ZC3H12B: variants seen among roughly 807,000 people sequenced by gnomAD.
ZC3H12B encodes the protein zinc finger CCCH-type containing 12B, also known as probable ribonuclease ZC3H12B.
In ZC3H12B, 7 loss-of-function variants were observed where a neutral mutation model predicts 43.9. That is an observed-to-expected ratio of 0.16 (90% confidence interval 0.09 to 0.30). The LOEUF is 0.30. Among genes scored for constraint, ZC3H12B ranks in the 10% least tolerant of loss-of-function variants. ZC3H12B has a pLI of 1.00. For synonymous variants in ZC3H12B, 222 were observed against 241.7 expected, an observed-to-expected ratio of 0.92 and a Z score of 0.76; for missense variants, 475 against 670.2, an observed-to-expected ratio of 0.71 and a Z score of 3.22.
intron 3 of ZC3H12B, among the ~76,000 whole-genome samples, chrX:65,435,569 A>G (rs188997926): frequency 9.0e-6 from 1 of 110,869 alleles, no homozygotes; most frequent in Admixed American, 9.7e-5. Flanking sequence ...CTCATTCTTA[A>G]AATTTTATTT....
At chrX:65,200,894 T>G in the ZC3H12B span, among the ~76,000 whole-genome samples, 1 of 111,839 alleles carries the variant, frequency 8.9e-6, no homozygotes, top group Non-Finnish European at 1.9e-5. Context: ...TGAAGCGGAC[T>G]TGATCGTGGT....
the ZC3H12B span, among the ~76,000 whole-genome samples, chrX:65,282,024 C>T: frequency 9.0e-6 from 1 of 111,249 alleles, no homozygotes; most frequent in East Asian, 2.8e-4. Flanking sequence ...TCAAAAGATT[C>T]CAAAAAAGCT....
At chrX:65,072,280 C>T in the ZC3H12B span, among the ~76,000 whole-genome samples, 3 of 112,309 alleles carry the variant, frequency 2.7e-5, no homozygotes, top group Non-Finnish European at 3.8e-5. Context: ...ATTCTTGTAG[C>T]ATGTGTTTTC....
the ZC3H12B span, among the ~76,000 whole-genome samples, chrX:65,142,385 G>C: frequency 9.0e-6 from 1 of 111,666 alleles, no homozygotes; most frequent in African/African-American, 3.3e-5. Flanking sequence ...TTGAGTTCAT[G>C]GTAGATTCTG....
intron 2 of ZC3H12B, among the ~76,000 whole-genome samples, chrX:65,381,649 A>C (rs758173732): frequency 8.9e-6 from 1 of 112,316 alleles, no homozygotes; most frequent in South Asian, 3.7e-4. Flanking sequence ...CCTTCAAAAA[A>C]TCAATGAATC....
intron 3 of ZC3H12B, among the ~76,000 whole-genome samples, chrX:65,449,161 G>T (rs1205243674): frequency 9.0e-6 from 1 of 110,826 alleles, no homozygotes; most frequent in East Asian, 2.8e-4. Flanking sequence ...AGAGAGGGTA[G>T]GGTGAGGAGA....
At chrX:65,408,188 C>T (rs767047342) in intron 3 of ZC3H12B, 1 of 1,199,776 alleles carries the variant, frequency 8.3e-7, no homozygotes, top group Non-Finnish European at 1.1e-6. Context: ...ATTCCAGTTC[C>T]TGCAGGCGCA....
chrX:65,323,443 G>A, the ZC3H12B span, among the ~76,000 whole-genome samples: 1 of 111,810 alleles, frequency 8.9e-6, no homozygotes, highest in African/African-American at 3.3e-5. Flanking sequence ...AACATGTGGT[G>A]TTTGGTTTTC....
the ZC3H12B span, among the ~76,000 whole-genome samples, chrX:65,240,826 A>C: frequency 8.9e-6 from 1 of 111,807 alleles, no homozygotes; most frequent in African/African-American, 3.3e-5. Context: ...CCACTTTCCT[A>C]TAGGGCTCTT....
exon 4 of ZC3H12B, chrX:65,499,914 C>T: frequency 2.5e-6 from 3 of 1,211,423 alleles, no homozygotes; most frequent in Non-Finnish European, 3.4e-6. Context: ...ATTAGGACGC[C>T]ACGGCCCAAG....
At chrX:65,384,326 A>T (rs1371249792) in intron 2 of ZC3H12B, among the ~76,000 whole-genome samples, 1 of 109,880 alleles carries the variant, frequency 9.1e-6, no homozygotes, top group Non-Finnish European at 1.9e-5. Flanking sequence ...CAATAAGAAC[A>T]CATGGACACA....
At chrX:65,139,316 AT>A in the ZC3H12B span, among the ~76,000 whole-genome samples, 32 of 111,947 alleles carry the variant, frequency 2.9e-4, no homozygotes, top group Non-Finnish European at 9.4e-5. Context: ...TGGATATGCA[AT>A]TTTGCCCACA....
chrX:65,148,880 C>A, the ZC3H12B span, among the ~76,000 whole-genome samples: 2 of 111,659 alleles, frequency 1.8e-5, no homozygotes, highest in African/African-American at 6.5e-5. Context: ...AAATTTTATT[C>A]CACCATCTCC....
chrX:65,040,078 A>C, the ZC3H12B span, among the ~76,000 whole-genome samples: 1 of 111,809 alleles, frequency 8.9e-6, no homozygotes, highest in African/African-American at 3.2e-5. Flanking sequence ...ATGAATTCAA[A>C]TAGTTATTTT....
chrX:65,450,337 GTA>G (rs1217455693), intron 3 of ZC3H12B, among the ~76,000 whole-genome samples: 3 of 79,351 alleles, frequency 3.8e-5, no homozygotes, highest in Admixed American at 3.4e-4. Context: ...ACATATATAT[GTA>G]TATATATGTG....
At chrX:65,199,429 G>A in the ZC3H12B span, among the ~76,000 whole-genome samples, 1 of 110,309 alleles carries the variant, frequency 9.1e-6, no homozygotes, top group South Asian at 3.8e-4. Flanking sequence ...CCTCAAGGCA[G>A]CTATTTATTT....
chrX:65,168,841 T>C, the ZC3H12B span, among the ~76,000 whole-genome samples: 1 of 112,150 alleles, frequency 8.9e-6, no homozygotes, highest in Non-Finnish European at 1.9e-5. Context: ...GTGTTTATAC[T>C]ATTCTCTGAT....
At chrX:65,060,411 C>T in the ZC3H12B span, among the ~76,000 whole-genome samples, 10 of 111,703 alleles carry the variant, frequency 9.0e-5, no homozygotes, top group Non-Finnish European at 1.1e-4. Context: ...CAACATGAAA[C>T]GATGTTGAAT....
At chrX:65,255,885 A>G in the ZC3H12B span, among the ~76,000 whole-genome samples, 5 of 112,365 alleles carry the variant, frequency 4.4e-5, no homozygotes, top group African/African-American at 1.6e-4. Context: ...AGGGGTTGCT[A>G]TTCTAATTTC....
Sources: allele counts gnomAD v4.1 joint callset (sites outside exome capture counted in the v4.1 genomes callset), GRCh38; gene constraint gnomAD v4.1.1; transcripts MANE v1.5; gene names NCBI Gene and HGNC (gene_info 2026-07-23, HGNC 2026-07-21).